Variants in OSMR observed in about 807,000 individuals in gnomAD.
OSMR encodes the protein oncostatin-M-specific receptor subunit beta.
OSMR carries 81 observed loss-of-function variants against 99.9 expected under a neutral mutation model. The ratio of observed to expected loss-of-function variants is 0.81; its 90% CI spans 0.68 to 0.97. The LOEUF (loss-of-function observed/expected upper bound fraction) is 0.97. Among genes scored for constraint, OSMR ranks in the 50% least tolerant of loss-of-function variants. The probability of loss-of-function intolerance (pLI) is 0.00; values close to 1 mark genes in which losing one functional copy is unlikely to be tolerated. For synonymous variants in OSMR, 406 were observed against 410.4 expected (o/e 0.99, Z 0.13); for missense variants, 1,099 against 1,153.4 (o/e 0.95, Z 0.68).
Position 38,942,901 on chromosome 5 carries a change from G to T in OSMR, c.75-1300G>T. 1.9e-6 allele frequency: 3 copies of T among 1,606,586 alleles called. No homozygotes were observed. Among genetic ancestry groups the T allele is most frequent in the Non-Finnish European group, 8.5e-7 (1 of 1,173,114 alleles). On this transcript the variant is annotated intron_variant and NMD_transcript_variant, in intron 1 of 2. Transcript: ENST00000508882. The stretch of plus-strand genomic sequence containing the variant: ...CGACACGGAAGTCTGAATGTGCAGT[G>T]TGACAGCAAATGGGAAACCTCAGAG...
At chr5:38,882,118 T>G (rs1743335644) in intron 4 of OSMR, among the ~76,000 whole-genome samples, 1 of 152,118 alleles carries the variant, frequency 6.6e-6, no homozygotes, top group Non-Finnish European at 1.5e-5. Flanking sequence ...GCGTCTAGAG[T>G]AGAGGTTGGG....
chr5:38,887,961 C>T (rs72635256), intron 7 of OSMR, among the ~76,000 whole-genome samples: 5,411 of 152,084 alleles, frequency 0.036, 280 homozygotes, highest in African/African-American at 0.11. Context: ...CTTCGTTTCG[C>T]GCCGGTTTGG....
At chr5:38,929,460 G>A (rs1023366729) in intron 15 of OSMR, among the ~76,000 whole-genome samples, 1 of 152,116 alleles carries the variant, frequency 6.6e-6, no homozygotes, top group Non-Finnish European at 1.5e-5. Context: ...AGGCATTACT[G>A]AATCACTTTT....
At chr5:38,921,048 A>T (rs1023525331) in intron 11 of OSMR, among the ~76,000 whole-genome samples, 1 of 152,100 alleles carries the variant, frequency 6.6e-6, no homozygotes, top group Non-Finnish European at 1.5e-5. Flanking sequence ...GGAGCAACTG[A>T]TGTTACCGTG....
rs551057171 is a variant in OSMR at position 38,898,663 on chromosome 5, T to C, written c.992-5219T>C. ...AAAAATTTGTTTTCTAGTTGTTTTA[T>C]GGTCTTATCTTTCTTCTTTCCTTTC... is the stretch of plus-strand genomic sequence containing the variant. On this transcript the variant is annotated intron_variant, in intron 7 of 17. Transcript: ENST00000274276. Among the ~76,000 whole-genome samples, 212 of 152,272 alleles carry C rather than the reference T, an allele frequency of 1.4e-3. 2 individuals carry two copies. The highest frequency in any genetic ancestry group is 9.1e-3 in the South Asian group (44 of 4,830).
chr5:38,919,057 A>G lies in OSMR; in HGVS notation c.1580A>G (p.Glu527Gly). The G allele has an allele frequency of 1.9e-6, 3 of 1,614,028 alleles. No homozygotes were observed. The South Asian group carries it at 3.3e-5, about 18-fold the overall frequency. The change falls in exon 11 of 18, where the codon GAA becomes GGA. Residue 527 changes from glutamate to glycine, a missense_variant. Coordinates refer to ENST00000274276, the MANE Select transcript of OSMR (RefSeq NM_003999.3). Reference sequence around the variant, plus strand: ...GTAATAGTCATCTCTGCAGACCCCGAAAACAGTGAGTTTGTTTTCATTTTC... The same window carrying G: ...GTAATAGTCATCTCTGCAGACCCCGGAAACAGTGAGTTTGTTTTCATTTTC... ...ASVIVISADP[E>G]NKEVEEERIA...
At chr5:38,944,682 G>A (rs1383541892) in intron 2 of OSMR, 1 of 994,166 alleles carries the variant, frequency 1.0e-6, no homozygotes, top group Non-Finnish European at 1.5e-6. Flanking sequence ...AATTACACAT[G>A]ATCTACCAAT....
intron 1 of OSMR, among the ~76,000 whole-genome samples, chr5:38,850,229 G>A: frequency 6.6e-6 from 1 of 152,082 alleles, no homozygotes; most frequent in East Asian, 1.9e-4. Flanking sequence ...AATACTGCTG[G>A]TCCTTTGTCC....
At chr5:38,919,624 T>C in intron 11 of OSMR, 1 of 288,712 alleles carries the variant, frequency 3.5e-6, no homozygotes, top group Non-Finnish European at 6.7e-6. Flanking sequence ...GTGATATTAA[T>C]TTCCTTCTTA....
intron 9 of OSMR, among the ~76,000 whole-genome samples, chr5:38,911,775 T>G (rs998305217): frequency 6.6e-6 from 1 of 152,242 alleles, no homozygotes; most frequent in South Asian, 2.1e-4. Context: ...AATCACTAAA[T>G]GTGATTCATC....
chr5:38,880,512 G>A (rs73075370), intron 3 of OSMR, among the ~76,000 whole-genome samples: 4 of 152,130 alleles, frequency 2.6e-5, no homozygotes, highest in South Asian at 2.1e-4. Context: ...ACAGCTAGCC[G>A]CAGTATATAG....
rs780700727 is a variant in OSMR, at chr5:38,885,466, G to A, written c.821G>A (p.Ser274Asn). 6.2e-7 allele frequency: 1 copy of A among 1,614,048 alleles called. No homozygotes were observed. Among genetic ancestry groups the A allele is most frequent in the Non-Finnish European group, 8.5e-7 (1 of 1,179,928 alleles). ...GGGTGGTCTAAACAACCTTCCCAAA[G>A]CTACACTTTATTTGAATCGTAAGTT... is the stretch of plus-strand genomic sequence containing the variant. The part of the protein sequence containing the change: ...ALGWSKQPSQ[S>N]YTLFESFSGE... Residue 274 changes from serine to asparagine, a missense_variant, in exon 6 of 18, where the codon AGC becomes AAC. By Grantham distance (46) the Ser-to-Asn change is conservative. Coordinates refer to ENST00000274276, the MANE Select transcript of OSMR (RefSeq NM_003999.3).
intron 7 of OSMR, among the ~76,000 whole-genome samples, chr5:38,889,618 A>G (rs944118372): frequency 2.6e-5 from 4 of 152,086 alleles, no homozygotes; most frequent in South Asian, 2.1e-4. Flanking sequence ...TAATTGTCTT[A>G]TCATCATATT....
intron 4 of OSMR, 93 bp downstream of exon 4, chr5:38,881,857 C>T (rs1010381709): frequency 9.1e-7 from 1 of 1,094,626 alleles, no homozygotes; most frequent in Admixed American, 1.8e-5. Flanking sequence ...TTTGAGGAAC[C>T]CTGGGTAGAC....
chr5:38,865,856 G>A (rs1741897179), intron 1 of OSMR, among the ~76,000 whole-genome samples: 1 of 152,220 alleles, frequency 6.6e-6, no homozygotes, highest in Non-Finnish European at 1.5e-5. Flanking sequence ...CAGCCCTCAG[G>A]ACCCCAGGCA....
At position 38,921,621 on chromosome 5, in the gene OSMR, T is replaced by G. The variant is rs777955964; in HGVS notation, c.1592T>G (p.Val531Gly). The G allele has an allele frequency of 6.2e-7, 1 of 1,612,822 alleles. No homozygotes were observed. The highest frequency in any genetic ancestry group is 1.1e-5 in the South Asian group (1 of 91,004). ...TCTATTTGTTTATATACAGAAGAGG[T>G]TGAGGAAGAAAGAATTGCAGGCACA... ...VISADPENKE[V>G]EEERIAGTEG... The change falls in exon 12 of 18, where the codon GTT (valine) becomes GGT (glycine). Residue 531 changes from valine (V) to glycine (G), a missense_variant. Coordinates refer to ENST00000274276, the MANE Select transcript of OSMR (RefSeq NM_003999.3).
intron 1 of OSMR, 48 bp from the exon 2 acceptor site, chr5:38,868,984 T>G: frequency 6.3e-7 from 1 of 1,596,722 alleles, no homozygotes. Context: ...AATTTGCCAG[T>G]ATTGAAAATT....
intron 1 of OSMR, among the ~76,000 whole-genome samples, chr5:38,852,974 G>T (rs112672177): frequency 2.1e-4 from 32 of 151,518 alleles, no homozygotes; most frequent in African/African-American, 7.3e-4. Context: ...CTCGTGATCC[G>T]CCCGCCTCGG....
rs182379074 is a variant in OSMR at position 38,907,469 on chromosome 5, C to T, written c.1285+2966C>T. Among the ~76,000 whole-genome samples, 9 of 152,278 alleles carry T rather than the reference C, an allele frequency of 5.9e-5. No individual in the cohort carries two copies. In the East Asian group the frequency reaches 1.7e-3, roughly 29 times the overall value. ...AGGGACACAAATCCCCCAAGCCTTG[C>T]CTTGCTCCTCTAGGAGACTTTGGCC... On this transcript the variant is annotated intron_variant, in intron 9 of 17. Transcript: ENST00000274276.
Sources: gnomAD v4.1 joint callset for allele counts (sites outside exome capture counted in the v4.1 genomes callset) on GRCh38, gnomAD v4.1.1 for gene constraint, MANE v1.5 for transcripts, NCBI Gene and HGNC (gene_info 2026-07-23, HGNC 2026-07-21) for gene names.